BRPF1: variants seen among roughly 807,000 people sequenced by gnomAD.
The protein encoded by BRPF1 is peregrin.
In BRPF1, 15 loss-of-function variants were observed where a neutral mutation model predicts 115.0. That is an observed-to-expected ratio of 0.13 (90% confidence interval 0.09 to 0.20). The LOEUF is 0.20. Ranked by LOEUF, BRPF1 falls within the 10% of genes least tolerant of loss-of-function variation. The pLI, the probability that BRPF1 is intolerant of heterozygous loss-of-function variation, is 1.00. For synonymous variants in BRPF1, 647 were observed against 619.8 expected (o/e 1.04, Z -0.65); for missense variants, 1,118 against 1,638.3 (o/e 0.68, Z 5.48).
chr3:9,747,409 C>CT lies in BRPF1; in HGVS notation c.*61dup. 1 of 1,583,136 alleles carries CT rather than the reference C, an allele frequency of 6.3e-7. No individual in the cohort carries two copies. Among genetic ancestry groups the CT allele is most frequent in the Non-Finnish European group, 8.6e-7 (1 of 1,158,870 alleles). On this transcript the variant is annotated 3_prime_UTR_variant, in exon 14 of 14. Transcript: ENST00000383829. The surrounding 1 kb of genome is among the most constrained non-coding windows in gnomAD (Gnocchi z 5.6). ...TGACTTCTCTCCTCCCCTTTGCTCA[C>CT]TGTCCTGGAGTGGCACCGGCCTCTG...
Position 9,747,080 on chromosome 3 carries a change from G to A in BRPF1, c.3480-86G>A. 1.4e-6 allele frequency: 2 copies of A among 1,469,694 alleles called. No individual in the cohort carries two copies. The highest frequency in any genetic ancestry group is 1.9e-6 in the Non-Finnish European group (2 of 1,063,012). The allele number at this position is 1,469,694 out of a possible 1,614,324, so 91.0% of individuals were successfully genotyped here. A position where few individuals can be genotyped will look rare whatever the true frequency, so the allele number is the denominator to read the frequency against. ...CAGAGTCTGGCCAGAGTGGGTGCTT[G>A]GGTGGTGTGTTTGAGTGAATAGAGG... is the stretch of plus-strand genomic sequence containing the variant. On this transcript the variant is annotated intron_variant, in intron 13 of 13. Transcript: ENST00000383829. This position sits in a 1 kb window ranked among gnomAD's most constrained non-coding sequence, Gnocchi z 5.6.
Position 9,741,320 on chromosome 3 carries a change from G to A in BRPF1, c.1735G>A (p.Asp579Asn). 1 of 1,583,338 alleles carries A rather than the reference G, an allele frequency of 6.3e-7. No homozygotes were observed. ...TTTGCCTCTACAGAGAGATTCTGAG[G>A]ATAAGAACTGGGCCCTTAAAGAACA... Reference protein sequence around the residue: ...NCDQVGRDSEDKNWALKEQLK... With the variant: ...NCDQVGRDSENKNWALKEQLK... The change falls in exon 5 of 14, where the codon GAT (aspartate) becomes AAT (asparagine). Residue 579 changes from aspartate (D) to asparagine (N), a missense_variant. Coordinates refer to ENST00000383829, the MANE Select transcript of BRPF1 (RefSeq NM_001003694.2).
rs1473184431 is a variant in BRPF1 at position 9,745,476 on chromosome 3, T to G, written c.3069-97T>G. 2.1e-6 allele frequency: 3 copies of G among 1,399,904 alleles called. No individual in the cohort carries two copies. The highest frequency in any genetic ancestry group is 3.0e-6 in the Non-Finnish European group (3 of 1,002,020). The allele number at this position is 1,399,904 out of a possible 1,614,324, so 86.7% of individuals were successfully genotyped here. On this transcript the variant is annotated intron_variant, in intron 10 of 13. Coordinates refer to ENST00000383829, the MANE Select transcript of BRPF1 (RefSeq NM_001003694.2). This position sits in a 1 kb window ranked among gnomAD's most constrained non-coding sequence, Gnocchi z 5.1. ...TCATATAGCCTCTGCTTTCCAAAAG[T>G]CTCAGACCCTGCGGGCTTTAAGAGC...
Position 9,743,483 on chromosome 3 carries a change from A to AG in BRPF1, c.2312-89dup. On this transcript the variant is annotated intron_variant, in intron 7 of 13. Transcript: ENST00000383829. The surrounding 1 kb of genome is among the most constrained non-coding windows in gnomAD (Gnocchi z 6.1). Reference sequence around the variant, plus strand: ...TACAGCTGTTCCTGGTGAGAAGCCCAGGGGGGATGAGTGGGTTTCTTGCTG... The same window carrying AG: ...TACAGCTGTTCCTGGTGAGAAGCCCAGGGGGGGATGAGTGGGTTTCTTGCTG... 7.1e-7 allele frequency: 1 copy of AG among 1,407,270 alleles called. No homozygotes were observed. Among genetic ancestry groups the AG allele is most frequent in the Non-Finnish European group, 9.7e-7 (1 of 1,026,630 alleles). The allele number at this position is 1,407,270 out of a possible 1,614,324, so 87.2% of individuals were successfully genotyped here.
intron 2 of BRPF1, among the ~76,000 whole-genome samples, chr3:9,735,851 C>T (rs956665951): frequency 2.0e-5 from 3 of 151,740 alleles, no homozygotes; most frequent in Admixed American, 2.0e-4. Context: ...GCATCCAAGG[C>T]AAAAAAGGCA....
rs764261261 is a variant in BRPF1 at position 9,734,527 on chromosome 3, C to T, written c.387C>T (p.Ala129=). ...AGGATGAGGAAGCCCCCGAGGAGGC[C>T]CCTGAGAATGGCAGCAACAAGGAGA... ...VSEDEEAPEE[A]PENGSNKENT... is the part of the protein sequence containing the mutation. The change falls in exon 2 of 14, where the codon GCC becomes GCT. Residue 129 remains alanine (A), a synonymous_variant. Coordinates refer to ENST00000383829, the MANE Select transcript of BRPF1 (RefSeq NM_001003694.2). This position sits in a 1 kb window ranked among gnomAD's most constrained non-coding sequence, Gnocchi z 5.7. The T allele has an allele frequency of 1.2e-6, 2 of 1,613,946 alleles. No homozygotes were observed. Among genetic ancestry groups the T allele is most frequent in the African/African-American group, 1.3e-5 (1 of 74,900 alleles).
chr3:9,734,262 A>G lies in BRPF1; in HGVS notation c.122A>G (p.His41Arg). 1 of 1,613,746 alleles carries G rather than the reference A, an allele frequency of 6.2e-7. No individual in the cohort carries two copies. The change falls in exon 2 of 14, where the codon CAC (histidine) becomes CGC (arginine). Residue 41 changes from histidine to arginine, a missense_variant. Coordinates refer to ENST00000383829, the MANE Select transcript of BRPF1 (RefSeq NM_001003694.2). This position sits in a 1 kb window ranked among gnomAD's most constrained non-coding sequence, Gnocchi z 5.7. ...AAGAGTTACAGTGGTATTGAGTACC[A>G]CCTGTACCACTATGACCACGACAAC... The part of the protein sequence containing the change: ...VYKSYSGIEY[H>R]LYHYDHDNPP...
chr3:9,740,484 C>T (rs2077010887), intron 3 of BRPF1, among the ~76,000 whole-genome samples: 1 of 152,128 alleles, frequency 6.6e-6, no homozygotes, highest in Non-Finnish European at 1.5e-5. Flanking sequence ...CTCCCAGGGT[C>T]AAATAGTACT....
Position 9,743,212 on chromosome 3 carries a change from A to G in BRPF1, c.2270A>G (p.His757Arg). 1 of 1,614,142 alleles carries G rather than the reference A, an allele frequency of 6.2e-7. No individual in the cohort carries two copies. The highest frequency in any genetic ancestry group is 8.5e-7 in the Non-Finnish European group (1 of 1,179,988). Residue 757 changes from histidine to arginine, a missense_variant, in exon 7 of 14, where the codon CAC (histidine) becomes CGC (arginine). This residue lies in a region of BRPF1 where 223 missense variants were observed against 240.7 expected (regional missense o/e 0.93). Transcript: ENST00000383829. This position sits in a 1 kb window ranked among gnomAD's most constrained non-coding sequence, Gnocchi z 6.1. ...IDFETGMHIP[H>R]SLAGDEATHH... is the part of the protein sequence containing the mutation. ...TTTGAGACGGGCATGCATATCCCCC[A>G]CAGCCTGGCTGGAGATGAGGCCACA... is the stretch of plus-strand genomic sequence containing the variant.
chr3:9,739,700 C>T lies in BRPF1; in HGVS notation c.1301C>T (p.Thr434Ile). The T allele has an allele frequency of 6.2e-7, 1 of 1,613,578 alleles. No homozygotes were observed. Among genetic ancestry groups the T allele is most frequent in the South Asian group, 1.1e-5 (1 of 91,090 alleles). Residue 434 changes from threonine to isoleucine, a missense_variant, in exon 3 of 14, where the codon ACC (threonine) becomes ATC (isoleucine). Coordinates refer to ENST00000383829, the MANE Select transcript of BRPF1 (RefSeq NM_001003694.2). ...GTGCGGGAGACAGGCGCCAACGGCA[C>T]CTCTTTCAGTGTCCGCAAGACAGCC... ...EPVRETGANG[T>I]SFSVRKTAYC...
chr3:9,737,165 T>C (rs1016768976), intron 2 of BRPF1, among the ~76,000 whole-genome samples: 1 of 152,190 alleles, frequency 6.6e-6, no homozygotes, highest in African/African-American at 2.4e-5. Context: ...CTTCCTACAA[T>C]GTTTCAGTCT....
rs183824406 is a variant in BRPF1 at position 9,744,555 on chromosome 3, C to T, written c.2920+47C>T. ...CCCCCCAAGAGAGTGAGCAAAGCTG[C>T]CATTCTTCCCAGCATACTCCCAGTT... On this transcript the variant is annotated intron_variant, in intron 9 of 13. Transcript: ENST00000383829. 14 of 1,369,056 alleles carry T rather than the reference C, an allele frequency of 1.0e-5. No homozygotes were observed. The Admixed American group carries it at 3.5e-4, about 35-fold the overall frequency. The allele number at this position is 1,369,056 out of a possible 1,614,324, so 84.8% of individuals were successfully genotyped here. A position where few individuals can be genotyped will look rare whatever the true frequency, so the allele number is the denominator to read the frequency against.
rs1271627910 is a variant in BRPF1 at position 9,744,336 on chromosome 3, G to GC, written c.2754dup (p.Lys919GlnfsTer34). The GC allele has an allele frequency of 1.2e-6, 2 of 1,613,154 alleles. No homozygotes were observed. Among genetic ancestry groups the GC allele is most frequent in the Admixed American group, 1.7e-5 (1 of 59,902 alleles). On this transcript the variant is annotated frameshift_variant, in exon 9 of 14. Coordinates refer to ENST00000383829, the MANE Select transcript of BRPF1 (RefSeq NM_001003694.2). LOFTEE classifies it high-confidence loss of function. ...CTGGACCGCCCAAGAGGCCGGGCCG[G>GC]CCCCCCAAAAACCGGGAGAGCCAGA...
Position 9,742,932 on chromosome 3 carries a change from C to G in BRPF1, c.2002-12C>G. ...TATCTCCACTTAAAACAAACCTGCC[C>G]TGCCCTTCCAGGTACCTGACTACCT... On this transcript the variant is annotated splice_polypyrimidine_tract_variant and intron_variant, in intron 6 of 13. Transcript: ENST00000383829. 6.2e-7 allele frequency: 1 copy of G among 1,608,908 alleles called. No individual in the cohort carries two copies. Among genetic ancestry groups the G allele is most frequent in the Non-Finnish European group, 8.5e-7 (1 of 1,176,060 alleles).
rs141454094 is a variant in BRPF1, at chr3:9,740,721, G to C, written c.1560-58G>C. 1.9e-5 allele frequency: 31 copies of C among 1,591,692 alleles called. No individual in the cohort carries two copies. The African/African-American group carries it at 4.2e-4, about 21-fold the overall frequency. ...GAACTTTCACTGGCCAGAGACCCTTGCTCTGCTTAAGAGAATCAGGGCCCA... is the reference window on the plus strand; with the variant it reads ...GAACTTTCACTGGCCAGAGACCCTTCCTCTGCTTAAGAGAATCAGGGCCCA... On this transcript the variant is annotated intron_variant, in intron 3 of 13. Transcript: ENST00000383829.
chr3:9,744,953 C>T (rs1220794067), intron 9 of BRPF1, 55 bp from the exon 10 acceptor site: 1 of 1,611,106 alleles, frequency 6.2e-7, no homozygotes, highest in Non-Finnish European at 8.5e-7. Context: ...CATGTCATCT[C>T]TGATCTACAT....
rs1303676468 is a variant in BRPF1 at position 9,745,874 on chromosome 3, G to C, written c.3268G>C (p.Asp1090His). ...WLSEDEDSPL[D>H]ALDLVWAKCR... The stretch of plus-strand genomic sequence containing the variant: ...GTCAGAGGATGAGGACTCCCCGCTG[G>C]ATGCTCTGGACCTCGTGTGGGCCAA... The change falls in exon 12 of 14, where the codon GAT (aspartate) becomes CAT (histidine). Residue 1090 changes from aspartate to histidine, a missense_variant. Asp to His is a moderately conservative substitution (Grantham distance 81). Transcript: ENST00000383829. The surrounding 1 kb of genome is among the most constrained non-coding windows in gnomAD (Gnocchi z 5.1). 27 of 1,614,058 alleles carry C rather than the reference G, an allele frequency of 1.7e-5. 1 individual carries two copies. The highest frequency in any genetic ancestry group is 2.3e-5 in the Non-Finnish European group (27 of 1,180,038).
rs1293882539 is a variant in BRPF1 at position 9,745,750 on chromosome 3, G to A, written c.3205+41G>A. ...CAAGGCCAGGGATGCTGGGGACCCA[G>A]TGTCAGGGTCTCGCCAGCCCCCCAG... On this transcript the variant is annotated intron_variant, in intron 11 of 13. Transcript: ENST00000383829. The surrounding 1 kb of genome is among the most constrained non-coding windows in gnomAD (Gnocchi z 5.1). 9.9e-6 allele frequency: 16 copies of A among 1,611,440 alleles called. No individual in the cohort carries two copies. The highest frequency in any genetic ancestry group is 1.4e-5 in the Non-Finnish European group (16 of 1,177,814).
rs751786603 is a variant in BRPF1, at chr3:9,739,772, C to T, written c.1373C>T (p.Ala458Val). Residue 458 changes from alanine (A) to valine (V), a missense_variant, in exon 3 of 14, where the codon GCC becomes GTC. Physicochemically the swap from Ala to Val is moderately conservative, Grantham distance 64 (BLOSUM62 0). Coordinates refer to ENST00000383829, the MANE Select transcript of BRPF1 (RefSeq NM_001003694.2). Reference sequence around the variant, plus strand: ...CCAGGTTCAGCACGCCGACTGCCTGCCCTGTCCCACAGCGAGGGTGAGGAG... The same window carrying T: ...CCAGGTTCAGCACGCCGACTGCCTGTCCTGTCCCACAGCGAGGGTGAGGAG... ...TPPGSARRLP[A>V]LSHSEGEEDE... The T allele has an allele frequency of 3.7e-6, 6 of 1,614,078 alleles. No homozygotes were observed. In the South Asian group the frequency reaches 6.6e-5, roughly 18 times the overall value.
Sources: gnomAD v4.1 joint callset for allele counts (sites outside exome capture counted in the v4.1 genomes callset) on GRCh38, gnomAD v4.1.1 for gene constraint, gnomAD v4.1.1 regional missense constraint, Gnocchi (gnomAD v3.1) non-coding constraint, MANE v1.5 for transcripts, NCBI Gene and HGNC (gene_info 2026-07-23, HGNC 2026-07-21) for gene names.